The following FER variants were observed in gnomAD, a reference collection of about 807,000 sequenced individuals.
The protein encoded by FER is tyrosine-protein kinase Fer.
FER carries 63 observed loss-of-function variants against 111.0 expected under a neutral mutation model. The observed-to-expected ratio is 0.57, with a 90% CI of 0.46 to 0.70. FER has a LOEUF of 0.70. Ranked by LOEUF, FER falls within the 30% of genes least tolerant of loss-of-function variation. FER has a pLI of 0.00. For synonymous variants in FER, 327 were observed against 313.9 expected, an observed-to-expected ratio of 1.04 and a Z score of -0.44; for missense variants, 914 against 954.0, an observed-to-expected ratio of 0.96 and a Z score of 0.55.
intron 10 of FER, among the ~76,000 whole-genome samples, chr5:108,923,528 G>A (rs1404106918): frequency 6.6e-6 from 1 of 151,996 alleles, no homozygotes; most frequent in Non-Finnish European, 1.5e-5. Context: ...TAGAAAGAAT[G>A]TTCTGTACAA....
chr5:108,893,160 T>C (rs1262270403), intron 9 of FER, among the ~76,000 whole-genome samples: 2 of 152,176 alleles, frequency 1.3e-5, no homozygotes, highest in Non-Finnish European at 2.9e-5. Flanking sequence ...GGCTCTTTTT[T>C]GGTTCCATAT....
At chr5:108,824,599 G>A (rs2150113007) in intron 3 of FER, among the ~76,000 whole-genome samples, 1 of 151,884 alleles carries the variant, frequency 6.6e-6, no homozygotes, top group African/African-American at 2.4e-5. Context: ...TGGATAGTTT[G>A]TTGTTACTGT....
intron 17 of FER, among the ~76,000 whole-genome samples, chr5:109,115,408 A>G (rs1352976731): frequency 6.6e-6 from 1 of 152,164 alleles, no homozygotes; most frequent in Non-Finnish European, 1.5e-5. Context: ...TAATACTGCC[A>G]TACCTATTCA....
chr5:108,813,116 T>G (rs1423485289), intron 3 of FER, among the ~76,000 whole-genome samples: 1 of 152,146 alleles, frequency 6.6e-6, no homozygotes, highest in African/African-American at 2.4e-5. Flanking sequence ...GAAAAAAATT[T>G]TTTTTTAGGT....
At chr5:108,991,842 A>G (rs1406419203) in intron 13 of FER, among the ~76,000 whole-genome samples, 2 of 148,820 alleles carry the variant, frequency 1.3e-5, no homozygotes, top group African/African-American at 2.5e-5. Context: ...GAGTAATTCT[A>G]TTTCCTTTTC....
At chr5:109,137,235 G>A (rs1752992993) in intron 17 of FER, among the ~76,000 whole-genome samples, 1 of 152,136 alleles carries the variant, frequency 6.6e-6, no homozygotes, top group Non-Finnish European at 1.5e-5. Flanking sequence ...AGATCCTACT[G>A]TAAGACTTTA....
chr5:108,752,050 C>A (rs775150517), intron 1 of FER, among the ~76,000 whole-genome samples: 18 of 151,864 alleles, frequency 1.2e-4, no homozygotes, highest in Non-Finnish European at 2.5e-4. Context: ...TACTATTTTT[C>A]CAAATTTCAT....
At chr5:109,153,744 A>C (rs923018099) in intron 17 of FER, among the ~76,000 whole-genome samples, 2 of 151,912 alleles carry the variant, frequency 1.3e-5, no homozygotes, top group African/African-American at 4.8e-5. Context: ...AATGAGGCCC[A>C]GTGATGTATA....
At chr5:109,137,363 T>G (rs1276441951) in intron 17 of FER, among the ~76,000 whole-genome samples, 1 of 152,230 alleles carries the variant, frequency 6.6e-6, no homozygotes, top group East Asian at 1.9e-4. Flanking sequence ...TAGGGTTTAC[T>G]AAAGCTGTAT....
In FER at chr5:109,140,480, G is replaced by C. The variant is rs183918261; in HGVS notation, c.2048+39961G>C. 1.6e-3 allele frequency among the ~76,000 whole-genome samples: 248 copies of C among 152,180 alleles called. 2 individuals are homozygous for C. The highest frequency in any genetic ancestry group is 1.2e-3 in the Admixed American group (19 of 15,286). On this transcript the variant is annotated intron_variant, in intron 17 of 19. Transcript: ENST00000281092. ...TGTGTTGCTATGAGCCCGTGAAATAGAAAAACAAAATTAGGAAAGACCTAT... is the reference window on the plus strand; with the variant it reads ...TGTGTTGCTATGAGCCCGTGAAATACAAAAACAAAATTAGGAAAGACCTAT...
intron 16 of FER, among the ~76,000 whole-genome samples, chr5:109,056,049 A>T (rs1008432380): frequency 2.0e-5 from 3 of 152,206 alleles, no homozygotes; most frequent in South Asian, 4.1e-4. Flanking sequence ...TCCAATTAGG[A>T]TGGCTATTTT....
chr5:108,749,062 G>A (rs1275729549), intron 1 of FER: 2 of 152,670 alleles, frequency 1.3e-5, no homozygotes, highest in Admixed American at 1.3e-4. Context: ...GGGGGGAAGA[G>A]GAGGGAAGGC....
At chr5:109,147,798 T>TAGAGAG (rs1477541042) in intron 17 of FER, among the ~76,000 whole-genome samples, 41 of 116,690 alleles carry the variant, frequency 3.5e-4, no homozygotes, top group Admixed American at 1.0e-3. Flanking sequence ...TATATATATA[T>TAGAGAG]ATAGAGAGAG....
chr5:109,174,094 G>A (rs901879679), intron 17 of FER, among the ~76,000 whole-genome samples: 11 of 152,106 alleles, frequency 7.2e-5, no homozygotes, highest in African/African-American at 2.7e-4. Flanking sequence ...TTCCTTTGGG[G>A]CCACTTTTAG....
intron 13 of FER, among the ~76,000 whole-genome samples, chr5:109,002,009 G>C (rs1308816409): frequency 6.6e-6 from 1 of 151,992 alleles, no homozygotes; most frequent in East Asian, 1.9e-4. Context: ...CATGCTCATG[G>C]GTAGGAAGAA....
intron 17 of FER, among the ~76,000 whole-genome samples, chr5:109,104,335 T>A (rs1466286159): frequency 6.6e-6 from 1 of 152,218 alleles, no homozygotes; most frequent in Non-Finnish European, 1.5e-5. Flanking sequence ...AAATGAAGAT[T>A]ATAGTCACTG....
At chr5:108,807,192 G>A (rs551959802) in intron 3 of FER, among the ~76,000 whole-genome samples, 4 of 152,170 alleles carry the variant, frequency 2.6e-5, no homozygotes, top group Non-Finnish European at 4.4e-5. Flanking sequence ...TGTAAGATGT[G>A]ATTTGCTTCT....
At chr5:108,898,559 C>T (rs1298668558) in intron 10 of FER, among the ~76,000 whole-genome samples, 1 of 117,576 alleles carries the variant, frequency 8.5e-6, no homozygotes, top group Admixed American at 8.8e-5. Flanking sequence ...TTCCTCCCTT[C>T]CCTTCCCTTC....
At chr5:108,950,953 G>T (rs942442075) in intron 11 of FER, among the ~76,000 whole-genome samples, 2 of 148,856 alleles carry the variant, frequency 1.3e-5, no homozygotes, top group Non-Finnish European at 3.0e-5. Flanking sequence ...AAAATAAAAG[G>T]GGTCCTATGG....
Sources: allele counts gnomAD v4.1 joint callset (sites outside exome capture counted in the v4.1 genomes callset), GRCh38; gene constraint gnomAD v4.1.1; transcripts MANE v1.5; gene names NCBI Gene and HGNC (gene_info 2026-07-23, HGNC 2026-07-21).